Variants in HOXB2 observed in about 807,000 individuals in gnomAD.
The protein encoded by HOXB2 is homeobox protein Hox-B2.
In HOXB2, 14 loss-of-function variants were observed where a neutral mutation model predicts 13.1. The observed-to-expected ratio is 1.07, with a 90% CI of 0.71 to 1.67. HOXB2 has a LOEUF of 1.67. Among genes scored for constraint, HOXB2 ranks in the 40% most tolerant of loss-of-function variants. The pLI is 0.00. For synonymous variants in HOXB2, 261 were observed against 233.1 expected (o/e 1.12, Z -1.09); for missense variants, 582 against 488.3 (o/e 1.19, Z -1.81).
chr17:48,544,364 C>T, intron 1 of HOXB2, 157 bp downstream of exon 1: 2 of 1,426,264 alleles, frequency 1.4e-6, no homozygotes, highest in Non-Finnish European at 1.8e-6. Context: ...AGCGGCCAGG[C>T]CTGAACCCCA....
chr17:48,543,638 GTACTTAT>G lies in HOXB2; in HGVS notation c.494_500del (p.Asn165ThrfsTer30). 6.2e-7 allele frequency: 1 copy of G among 1,613,692 alleles called. No individual in the cohort carries two copies. Among genetic ancestry groups the G allele is most frequent in the Non-Finnish European group, 8.5e-7 (1 of 1,179,994 alleles). On this transcript the variant is annotated frameshift_variant, in exon 2 of 2. Coordinates refer to ENST00000330070, the MANE Select transcript of HOXB2 (RefSeq NM_002145.4). LOFTEE classifies it low-confidence loss of function (END_TRUNC). Reference sequence around the variant, plus strand: ...TCTCGACGCGGCGTGGCCGGCACAGGTACTTATTAAAGTGGAATTCCTTCTCCAGTTC... The same window carrying G: ...TCTCGACGCGGCGTGGCCGGCACAGGTAAAGTGGAATTCCTTCTCCAGTTC...
At position 48,543,302 on chromosome 17, in the gene HOXB2, C is replaced by G; in HGVS notation, c.837G>C (p.Leu279=). ...GAGASSPGCA[L]RGAGGLEPGP... ...CGGGCTCCAGCCCGCCGGCCCCGCG[C>G]AGCGCGCAGCCGGGACTCGACGCGC... The change falls in exon 2 of 2, where the codon CTG becomes CTC. Residue 279 remains leucine (L), a synonymous_variant. Transcript: ENST00000330070. 4 of 1,602,602 alleles carry G rather than the reference C, an allele frequency of 2.5e-6. No individual in the cohort carries two copies. Among genetic ancestry groups the G allele is most frequent in the Non-Finnish European group, 3.4e-6 (4 of 1,178,292 alleles).
chr17:48,543,031 A>C lies in HOXB2; in HGVS notation c.*37T>G. ...CGATTTTTCCAGTAGACGGCCAAGG[A>C]GCGCGGGGGTCGAAAGGACCGGGAG... On this transcript the variant is annotated 3_prime_UTR_variant, in exon 2 of 2. Transcript: ENST00000330070. The C allele has an allele frequency of 2.0e-6, 3 of 1,507,794 alleles. No individual in the cohort carries two copies. The highest frequency in any genetic ancestry group is 2.7e-6 in the Non-Finnish European group (3 of 1,120,062). 93.4% of individuals were successfully genotyped at this position (1,507,794 alleles called of 1,614,324 possible). A position where few individuals can be genotyped will look rare whatever the true frequency, so the allele number is the denominator to read the frequency against.
In HOXB2 at chr17:48,545,022, G is replaced by C. The variant is rs1379784077; in HGVS notation, c.-111C>G. 6.0e-6 allele frequency: 6 copies of C among 997,794 alleles called. No homozygotes were observed. The Admixed American group carries it at 1.5e-4, about 25-fold the overall frequency. 61.8% of individuals were successfully genotyped at this position (997,794 alleles called of 1,614,324 possible). Reference sequence around the variant, plus strand: ...TTTATGTAATGGAGCGATTTTGGGAGGGGGAGATTTCGGTCTCTCTTTTTT... The same window carrying C: ...TTTATGTAATGGAGCGATTTTGGGACGGGGAGATTTCGGTCTCTCTTTTTT... On this transcript the variant is annotated 5_prime_UTR_variant, in exon 1 of 2. Transcript: ENST00000330070.
chr17:48,542,943 A>C lies in HOXB2; in HGVS notation c.*125T>G. The C allele has an allele frequency of 1.6e-6, 1 of 628,310 alleles. No homozygotes were observed. The highest frequency in any genetic ancestry group is 2.8e-4 in the Middle Eastern group (1 of 3,592). The allele number at this position is 628,310 out of a possible 1,614,324, so 38.9% of individuals were successfully genotyped here. A position where few individuals can be genotyped will look rare whatever the true frequency, so the allele number is the denominator to read the frequency against. Reference sequence around the variant, plus strand: ...AAGAAAGGGAGTGGATTAAACGCTAATTCAGTAATACCTGAATTTTAGCAA... The same window carrying C: ...AAGAAAGGGAGTGGATTAAACGCTACTTCAGTAATACCTGAATTTTAGCAA... On this transcript the variant is annotated 3_prime_UTR_variant, in exon 2 of 2. Coordinates refer to ENST00000330070, the MANE Select transcript of HOXB2 (RefSeq NM_002145.4).
Position 48,544,948 on chromosome 17 carries a change from G to GGGGGGGGGGGGGGGGGGGC in HOXB2, c.-38_-37insGCCCCCCCCCCCCCCCCCC. On this transcript the variant is annotated 5_prime_UTR_variant, in exon 1 of 2. Coordinates refer to ENST00000330070, the MANE Select transcript of HOXB2 (RefSeq NM_002145.4). ...GTGGGGGAGGGGGCTGCTGGGGGGG[G>GGGGGGGGGGGGGGGGGGGC]CGTCAGGAGGGAGGATCGGAAGGGA... 8.6e-6 allele frequency: 9 copies of GGGGGGGGGGGGGGGGGGGC among 1,051,186 alleles called. No homozygotes were observed. The highest frequency in any genetic ancestry group is 2.9e-5 in the East Asian group (1 of 34,470). The allele number at this position is 1,051,186 out of a possible 1,614,324, so 65.1% of individuals were successfully genotyped here.
chr17:48,544,740 G>GCTGGAGGC lies in HOXB2; in HGVS notation c.164_171dup (p.Pro58AlafsTer44), dbSNP rs2068550709. The GCTGGAGGC allele has an allele frequency of 6.2e-7, 1 of 1,614,016 alleles. No individual in the cohort carries two copies. Among genetic ancestry groups the GCTGGAGGC allele is most frequent in the South Asian group, 1.1e-5 (1 of 91,074 alleles). On this transcript the variant is annotated frameshift_variant, in exon 1 of 2. Transcript: ENST00000330070. LOFTEE classifies it high-confidence loss of function. ...GGTCTCTGAAGGGTGGAGGCGCCGGGCTGGAGGCTGGGGAAGGTTTGCTCG... is the reference window on the plus strand; with the variant it reads ...GGTCTCTGAAGGGTGGAGGCGCCGGGCTGGAGGCCTGGAGGCTGGGGAAGGTTTGCTCG...
Position 48,543,247 on chromosome 17 carries a change from G to A in HOXB2, c.892C>T (p.Arg298Cys), listed in dbSNP as rs778179078. Residue 298 changes from arginine (R) to cysteine (C), a missense_variant, in exon 2 of 2, where the codon CGC (arginine) becomes TGC (cysteine). Transcript: ENST00000330070. ...GPLPEDVFSG[R>C]QDSPFLPDLN... ...TCGGGAAGGAAAGGTGAATCCTGGC[G>A]CCCCGAGAAGACGTCTTCTGGCAAT... 9.3e-6 allele frequency: 15 copies of A among 1,611,200 alleles called. 1 individual carries two copies. The South Asian group carries it at 1.2e-4, about 13-fold the overall frequency.
Position 48,543,389 on chromosome 17 carries a change from C to G in HOXB2, c.750G>C (p.Glu250Asp). The G allele has an allele frequency of 1.3e-6, 2 of 1,585,626 alleles. No individual in the cohort carries two copies. The highest frequency in any genetic ancestry group is 1.7e-6 in the Non-Finnish European group (2 of 1,169,212). ...CCGCGCTTAAGGCCCCCGGCACCAC[C>G]TCCGGCGGGTGACAGCAGGCTTCCC... ...AAWEACCHPP[E>D]VVPGALSADP... The change falls in exon 2 of 2, where the codon GAG becomes GAC. Residue 250 changes from glutamate to aspartate, a missense_variant. Transcript: ENST00000330070.
In HOXB2 at chr17:48,544,584, A is replaced by G; in HGVS notation, c.328T>C (p.Ser110Pro). Residue 110 changes from serine (S) to proline (P), a missense_variant, in exon 1 of 2, where the codon TCC (serine) becomes CCC (proline). Transcript: ENST00000330070. ...GCGGCCGGAGAAGGAGACGTGGCGGATTGGCTGGGTTTCTTGGCGGATTTC... is the reference window on the plus strand; with the variant it reads ...GCGGCCGGAGAAGGAGACGTGGCGGGTTGGCTGGGTTTCTTGGCGGATTTC... ...EKKSAKKPSQ[S>P]ATSPSPAASA... 2 of 1,608,250 alleles carry G rather than the reference A, an allele frequency of 1.2e-6. No homozygotes were observed. The highest frequency in any genetic ancestry group is 1.7e-6 in the Non-Finnish European group (2 of 1,179,916).
In HOXB2 at chr17:48,542,917, G is replaced by A. The variant is rs2144702587; in HGVS notation, c.*151C>T. 4.0e-6 allele frequency: 2 copies of A among 497,842 alleles called. No homozygotes were observed. Among genetic ancestry groups the A allele is most frequent in the Middle Eastern group, 3.9e-4 (1 of 2,560 alleles). The allele number at this position is 497,842 out of a possible 1,614,324, so 30.8% of individuals were successfully genotyped here. A position where few individuals can be genotyped will look rare whatever the true frequency, so the allele number is the denominator to read the frequency against. On this transcript the variant is annotated 3_prime_UTR_variant, in exon 2 of 2. Coordinates refer to ENST00000330070, the MANE Select transcript of HOXB2 (RefSeq NM_002145.4). ...CCGAGTGCCCAATATTTTAGAAGAA[G>A]AAGAAAGGGAGTGGATTAAACGCTA...
chr17:48,543,622 G>C lies in HOXB2; in HGVS notation c.517C>G (p.Arg173Gly), dbSNP rs371803474. ...HFNKYLCRPR[R>G]VEIAALLDLT... is the part of the protein sequence containing the mutation. Reference sequence around the variant, plus strand: ...TCCAGCAAGGCCGCGATCTCGACGCGGCGTGGCCGGCACAGGTACTTATTA... The same window carrying C: ...TCCAGCAAGGCCGCGATCTCGACGCCGCGTGGCCGGCACAGGTACTTATTA... The change falls in exon 2 of 2, where the codon CGC (arginine) becomes GGC (glycine). Residue 173 changes from arginine to glycine, a missense_variant. Physicochemically the swap from Arg to Gly is moderately radical, Grantham distance 125. Coordinates refer to ENST00000330070, the MANE Select transcript of HOXB2 (RefSeq NM_002145.4). The C allele has an allele frequency of 1.2e-6, 2 of 1,613,516 alleles. No homozygotes were observed. The highest frequency in any genetic ancestry group is 1.7e-6 in the Non-Finnish European group (2 of 1,180,004).
Position 48,543,241 on chromosome 17 carries a change from C to A in HOXB2, c.898G>T (p.Asp300Tyr), listed in dbSNP as rs370745831. 2.5e-6 allele frequency: 4 copies of A among 1,612,138 alleles called. No individual in the cohort carries two copies. The highest frequency in any genetic ancestry group is 2.5e-6 in the Non-Finnish European group (3 of 1,180,002). Residue 300 changes from aspartate (D) to tyrosine (Y), a missense_variant, in exon 2 of 2, where the codon GAT (aspartate) becomes TAT (tyrosine). By Grantham distance (160) the Asp-to-Tyr change is radical. Transcript: ENST00000330070. ...TTGAGGTCGGGAAGGAAAGGTGAAT[C>A]CTGGCGCCCCGAGAAGACGTCTTCT... ...LPEDVFSGRQ[D>Y]SPFLPDLNFF...
Position 48,543,746 on chromosome 17 carries a change from A to G in HOXB2, c.393T>C (p.Asp131=), listed in dbSNP as rs374269820. 6.3e-7 allele frequency: 1 copy of G among 1,592,368 alleles called. No homozygotes were observed. Among genetic ancestry groups the G allele is most frequent in the African/African-American group, 1.3e-5 (1 of 74,400 alleles). ...VPASGVGSPA[D]GLGLPEAGGG... ...CACCAGCCTCCGGCAGTCCCAGGCC[A>G]TCTGCAGGGAAAACAGGCTCGGCGT... Residue 131 remains aspartate (D), a splice_region_variant and synonymous_variant, in exon 2 of 2, where the codon GAT becomes GAC. Transcript: ENST00000330070.
intron 1 of HOXB2, 43 bp downstream of exon 1, chr17:48,544,476 CCT>C: frequency 6.5e-7 from 1 of 1,540,430 alleles, no homozygotes; most frequent in Non-Finnish European, 8.7e-7. Context: ...TTTTTCTCCC[CCT>C]CTTCTAGCTG....
Position 48,543,237 on chromosome 17 carries a change from G to T in HOXB2, c.902C>A (p.Ser301Ter), listed in dbSNP as rs760532252. The T allele has an allele frequency of 1.9e-5, 31 of 1,612,498 alleles. No individual in the cohort carries two copies. Among genetic ancestry groups the T allele is most frequent in the Non-Finnish European group, 2.6e-5 (31 of 1,180,012 alleles). The change falls in exon 2 of 2, where the codon TCA becomes TAA. Residue 301 changes from serine to a stop codon, truncating the protein, a stop_gained. Coordinates refer to ENST00000330070, the MANE Select transcript of HOXB2 (RefSeq NM_002145.4). LOFTEE classifies it high-confidence loss of function. ...GAAGTTGAGGTCGGGAAGGAAAGGTGAATCCTGGCGCCCCGAGAAGACGTC... is the reference window on the plus strand; with the variant it reads ...GAAGTTGAGGTCGGGAAGGAAAGGTTAATCCTGGCGCCCCGAGAAGACGTC... ...PEDVFSGRQDSPFLPDLNFFA... is the reference protein window; with the variant it reads ...PEDVFSGRQD
rs2144704861 is a variant in HOXB2 at position 48,543,636 on chromosome 17, A to G, written c.503T>C (p.Leu168Pro). The G allele has an allele frequency of 1.9e-6, 3 of 1,613,652 alleles. No individual in the cohort carries two copies. The highest frequency in any genetic ancestry group is 2.5e-6 in the Non-Finnish European group (3 of 1,179,974). ...LEKEFHFNKY[L>P]CRPRRVEIAA... ...GATCTCGACGCGGCGTGGCCGGCAC[A>G]GGTACTTATTAAAGTGGAATTCCTT... The change falls in exon 2 of 2, where the codon CTG becomes CCG. Residue 168 changes from leucine (L) to proline (P), a missense_variant. Coordinates refer to ENST00000330070, the MANE Select transcript of HOXB2 (RefSeq NM_002145.4).
At chr17:48,543,786 T>A in intron 1 of HOXB2, 39 bp from the exon 2 acceptor site, 2 of 1,549,442 alleles carry the variant, frequency 1.3e-6, no homozygotes, top group Non-Finnish European at 1.7e-6. Flanking sequence ...GCGGGCCGTG[T>A]ACTCAGCCCA....
At chr17:48,544,268 A>G (rs888151797) in intron 1 of HOXB2, 13 of 1,367,766 alleles carry the variant, frequency 9.5e-6, no homozygotes, top group Non-Finnish European at 1.2e-5. Context: ...TTCTAGCAGA[A>G]AAAAAGGCGT....
Sources: allele counts gnomAD v4.1 joint callset, GRCh38; gene constraint gnomAD v4.1.1; transcripts MANE v1.5; gene names NCBI Gene and HGNC (gene_info 2026-07-23, HGNC 2026-07-21).